Variants in PLEKHB2 observed in about 807,000 individuals in gnomAD.
PLEKHB2 encodes pleckstrin homology domain containing B2.
In PLEKHB2, 31 loss-of-function variants were observed where a neutral mutation model predicts 36.5. The ratio of observed to expected loss-of-function variants is 0.85; its 90% CI spans 0.64 to 1.15. PLEKHB2 has a LOEUF of 1.15. PLEKHB2 is among the 50% of genes most tolerant of loss of function. The pLI, the probability that PLEKHB2 is intolerant of heterozygous loss-of-function variation, is 0.00. For synonymous variants in PLEKHB2, 119 were observed against 112.0 expected, an observed-to-expected ratio of 1.06 and a Z score of -0.39; for missense variants, 262 against 295.3, an observed-to-expected ratio of 0.89 and a Z score of 0.83.
At chr2:131,120,381 G>A (rs1439261370) in intron 1 of PLEKHB2, 4 of 155,392 alleles carry the variant, frequency 2.6e-5, no homozygotes, top group Non-Finnish European at 4.3e-5. Context: ...AGCCGTGACT[G>A]TTTCTTCTAA....
intron 1 of PLEKHB2, among the ~76,000 whole-genome samples, chr2:131,106,904 G>A (rs529785177): frequency 6.6e-6 from 1 of 152,262 alleles, no homozygotes; most frequent in South Asian, 2.1e-4. Context: ...GCGGTTCTTT[G>A]CTAGCATTAT....
chr2:131,120,799 CA>C (rs753835231), intron 1 of PLEKHB2, 134 bp from the exon 2 acceptor site: 8 of 802,574 alleles, frequency 1.0e-5, no homozygotes, highest in African/African-American at 1.7e-5. Context: ...TGTTAAATGC[CA>C]GGGGGGCACT....
At chr2:131,132,121 G>A (rs1290567779) in intron 5 of PLEKHB2, among the ~76,000 whole-genome samples, 1 of 152,072 alleles carries the variant, frequency 6.6e-6, no homozygotes, top group African/African-American at 2.4e-5. Flanking sequence ...ATGAGCCATT[G>A]CGCCTGGCCA....
intron 2 of PLEKHB2, among the ~76,000 whole-genome samples, chr2:131,123,763 T>TCCCCCCCCTCC (rs1300845665): frequency 4.8e-5 from 1 of 21,042 alleles, no homozygotes; most frequent in African/African-American, 4.4e-4. Flanking sequence ...GACCTCCTGG[T>TCCCCCCCCTCC]CCACCCCCCC....
chr2:131,110,807 T>C (rs567414599), intron 1 of PLEKHB2, among the ~76,000 whole-genome samples: 36 of 152,298 alleles, frequency 2.4e-4, no homozygotes, highest in Admixed American at 1.7e-3. Context: ...CTTTGGGAAG[T>C]TTTTAGGTTC....
intron 1 of PLEKHB2, among the ~76,000 whole-genome samples, chr2:131,117,344 T>C (rs1490102347): frequency 1.3e-5 from 2 of 152,106 alleles, no homozygotes; most frequent in Admixed American, 6.5e-5. Context: ...GGAGAATTGC[T>C]TGAACCTGGG....
At chr2:131,139,482 A>T (rs1428322007) in intron 6 of PLEKHB2, among the ~76,000 whole-genome samples, 3 of 152,222 alleles carry the variant, frequency 2.0e-5, no homozygotes, top group African/African-American at 7.2e-5. Context: ...TTATCAGAGC[A>T]CTTGTCACAG....
At chr2:131,126,046 C>T (rs367610319) in intron 3 of PLEKHB2, 141 bp downstream of exon 3, 21 of 704,788 alleles carry the variant, frequency 3.0e-5, no homozygotes, top group South Asian at 9.4e-5. Context: ...CACAGTGGGG[C>T]CCCAGGCACT....
chr2:131,116,441 G>A (rs1393166803), intron 1 of PLEKHB2, among the ~76,000 whole-genome samples: 15 of 152,212 alleles, frequency 9.9e-5, no homozygotes, highest in Admixed American at 9.8e-4. Flanking sequence ...AAGAAAAGAG[G>A]TTTAGTCGAC....
intron 5 of PLEKHB2, among the ~76,000 whole-genome samples, 161 bp from the exon 6 acceptor site, chr2:131,132,741 G>C (rs900353512): frequency 6.6e-6 from 1 of 152,192 alleles, no homozygotes; most frequent in Admixed American, 6.5e-5. Context: ...AGGGGTGGGG[G>C]CCCCCACTGG....
intron 4 of PLEKHB2, among the ~76,000 whole-genome samples, chr2:131,129,476 G>A (rs1697444273): frequency 6.6e-6 from 1 of 152,058 alleles, no homozygotes; most frequent in Non-Finnish European, 1.5e-5. Flanking sequence ...AAAAGTAAGG[G>A]GTAAAGGAGT....
rs548079796 is a variant in PLEKHB2, at chr2:131,113,104, A to G, written c.-9+7706A>G. Among the ~76,000 whole-genome samples the G allele has an allele frequency of 2.5e-4, 36 of 144,892 alleles. No individual in the cohort carries two copies. The South Asian group carries it at 7.2e-3, about 29-fold the overall frequency. On this transcript the variant is annotated intron_variant, in intron 1 of 7. Coordinates refer to ENST00000693505, the MANE Select transcript of PLEKHB2 (RefSeq NM_001100623.2). ...GCTGAAGAATTTTTTTTTTTTTTTGAGACCGGGTCTCACTCCTGCCCAGGT... is the reference window on the plus strand; with the variant it reads ...GCTGAAGAATTTTTTTTTTTTTTTGGGACCGGGTCTCACTCCTGCCCAGGT...
At position 131,146,671 on chromosome 2, in the gene PLEKHB2, C is replaced by T. The variant is rs144163845; in HGVS notation, c.567C>T (p.Ile189=). 347 of 1,613,704 alleles carry T rather than the reference C, an allele frequency of 2.2e-4. No homozygotes were observed. Among genetic ancestry groups the T allele is most frequent in the Non-Finnish European group, 2.7e-4 (323 of 1,179,892 alleles). The change falls in exon 8 of 8, where the codon ATC becomes ATT. Residue 189 remains isoleucine (I), a synonymous_variant. Transcript: ENST00000693505. ...GACAGCAGCCTGCTAACCAAGTCAT[C>T]ATTCGAGAGCGCTATCGAGACAACG... ...LYGQQPANQV[I]IRERYRDNDS... is the part of the protein sequence containing the mutation.
chr2:131,124,240 G>C (rs1481158628), intron 2 of PLEKHB2, among the ~76,000 whole-genome samples: 1 of 152,218 alleles, frequency 6.6e-6, no homozygotes, highest in Non-Finnish European at 1.5e-5. Context: ...CCCTCCTGGT[G>C]AGGAGAGTGC....
chr2:131,131,603 G>T (rs1697690641), intron 5 of PLEKHB2, among the ~76,000 whole-genome samples: 1 of 152,118 alleles, frequency 6.6e-6, no homozygotes, highest in Non-Finnish European at 1.5e-5. Context: ...GAAGAAGGTG[G>T]ATCAAGCTTA....
chr2:131,114,125 C>G (rs369969918), intron 1 of PLEKHB2, among the ~76,000 whole-genome samples: 1 of 152,110 alleles, frequency 6.6e-6, no homozygotes, highest in East Asian at 1.9e-4. Context: ...GCCTTGTTTT[C>G]TCCTTAACTC....
At chr2:131,126,618 G>C in intron 3 of PLEKHB2, 66 bp from the exon 4 acceptor site, 1 of 881,014 alleles carries the variant, frequency 1.1e-6, no homozygotes, top group Non-Finnish European at 1.9e-6. Context: ...CTCTGAGCTG[G>C]TAGTTCTTAG....
At position 131,147,463 on chromosome 2, in the gene PLEKHB2, T is replaced by C. The variant is rs556031238; in HGVS notation, c.*690T>C. ...TGGAGAACATATCCCACATTAGGAATTGATTTAAGCCTGAGAGTTTGAGGG... is the reference window on the plus strand; with the variant it reads ...TGGAGAACATATCCCACATTAGGAACTGATTTAAGCCTGAGAGTTTGAGGG... On this transcript the variant is annotated 3_prime_UTR_variant, in exon 8 of 8. Coordinates refer to ENST00000693505, the MANE Select transcript of PLEKHB2 (RefSeq NM_001100623.2). 1 of 152,384 alleles carries C rather than the reference T, an allele frequency of 6.6e-6. No individual in the cohort carries two copies. The highest frequency in any genetic ancestry group is 1.9e-4 in the East Asian group (1 of 5,192). 9.4% of individuals were successfully genotyped at this position (152,384 alleles called of 1,614,324 possible). A position where few individuals can be genotyped will look rare whatever the true frequency, so the allele number is the denominator to read the frequency against.
chr2:131,125,989 T>C (rs1697062239), intron 3 of PLEKHB2, 84 bp downstream of exon 3: 1 of 1,361,176 alleles, frequency 7.3e-7, no homozygotes, highest in East Asian at 2.3e-5. Flanking sequence ...TTCCCTGTTC[T>C]GCTTTCATTA....
Sources: gnomAD v4.1 joint callset for allele counts (sites outside exome capture counted in the v4.1 genomes callset) on GRCh38, gnomAD v4.1.1 for gene constraint, MANE v1.5 for transcripts, NCBI Gene and HGNC (gene_info 2026-07-23, HGNC 2026-07-21) for gene names.